GSE1: variants seen among roughly 807,000 people sequenced by gnomAD.
GSE1 encodes the protein genetic suppressor element 1.
A neutral mutation model predicts 112.6 loss-of-function variants in GSE1; 32 were observed. The observed-to-expected ratio is 0.28, with a 90% confidence interval of 0.21 to 0.38. The LOEUF (loss-of-function observed/expected upper bound fraction) is 0.38. Among genes scored for constraint, GSE1 ranks in the 10% least tolerant of loss-of-function variants. The pLI is 1.00. For missense variants in GSE1, 2,348 were observed against 1,699.2 expected (o/e 1.38, Z -6.71); for synonymous variants, 1,115 against 735.6 (o/e 1.52, Z -8.35).
intron 2 of GSE1, among the ~76,000 whole-genome samples, chr16:85,448,054 C>A (rs983631274): frequency 6.6e-6 from 1 of 152,210 alleles, no homozygotes; most frequent in African/African-American, 2.4e-5. Context: ...TGGCAGCCAG[C>A]GAGGGCTCAT....
At position 85,538,894 on chromosome 16, in the gene GSE1, T is replaced by C. The variant is rs2044423604; in HGVS notation, c.2465-95020T>C. Among the ~76,000 whole-genome samples, 3 of 149,684 alleles carry C rather than the reference T, an allele frequency of 2.0e-5. No individual in the cohort carries two copies. In the South Asian group the frequency reaches 6.8e-4, roughly 34 times the overall value. On this transcript the variant is annotated intron_variant, in intron 2 of 2. Transcript: ENST00000637419. The stretch of plus-strand genomic sequence containing the variant: ...CACCAGTCCCTCTCCAGCCCCCAAA[T>C]CTCCCCCACCCACCTCGGTATCCCT...
intron 1 of GSE1, among the ~76,000 whole-genome samples, chr16:85,254,478 C>T (rs1906853109): frequency 6.6e-6 from 1 of 152,202 alleles, no homozygotes; most frequent in East Asian, 1.9e-4. Context: ...TAGCATGACC[C>T]CCCCACTCGG....
intron 1 of GSE1, among the ~76,000 whole-genome samples, chr16:85,575,143 A>C (rs945866131): frequency 9.2e-5 from 14 of 151,860 alleles, no homozygotes; most frequent in African/African-American, 3.4e-4. Flanking sequence ...TTGGCGCTAC[A>C]GAATGTCAGA....
At chr16:85,402,509 C>T (rs952264034) in intron 2 of GSE1, among the ~76,000 whole-genome samples, 3 of 152,170 alleles carry the variant, frequency 2.0e-5, no homozygotes, top group Admixed American at 2.0e-4. Context: ...AGAGTGGACC[C>T]AGAGAGAGTG....
intron 1 of GSE1, among the ~76,000 whole-genome samples, chr16:85,204,453 C>A (rs1410408056): frequency 6.6e-6 from 1 of 152,214 alleles, no homozygotes; most frequent in Admixed American, 6.5e-5. Context: ...GTTTTCAATT[C>A]TCTGAGGAAT....
At chr16:85,420,340 A>G (rs1364540628) in intron 2 of GSE1, among the ~76,000 whole-genome samples, 1 of 152,152 alleles carries the variant, frequency 6.6e-6, no homozygotes, top group Non-Finnish European at 1.5e-5. Context: ...TTGGGTGTCC[A>G]GGATCGTGAG....
At position 85,665,149 on chromosome 16, in the gene GSE1, C is replaced by T. The variant is rs768794920; in HGVS notation, c.2758+21C>T. ...GAGTGGTAAGGGAAGGATAGCCCCA[C>T]CTGCCACCACCCAGGACCATCCCAT... On this transcript the variant is annotated intron_variant, in intron 12 of 15. Transcript: ENST00000253458. 4 of 1,410,228 alleles carry T rather than the reference C, an allele frequency of 2.8e-6. No individual in the cohort carries two copies. The Admixed American group carries it at 6.7e-5, about 24-fold the overall frequency. 87.4% of individuals were successfully genotyped at this position (1,410,228 alleles called of 1,614,324 possible).
At position 85,371,881 on chromosome 16, in the gene GSE1, C is replaced by T. The variant is rs372416613; in HGVS notation, c.2464+14238C>T. Among the ~76,000 whole-genome samples the T allele has an allele frequency of 3.1e-4, 47 of 152,336 alleles. No homozygotes were observed. In the South Asian group the frequency reaches 8.7e-3, roughly 28 times the overall value. On this transcript the variant is annotated intron_variant, in intron 2 of 2. Transcript: ENST00000637419. ...GAATGACCCTCTCCCAAGCTTCCTA[C>T]TGCTTCTGGAAGTGGGAGGAAAAGG...
At chr16:85,529,068 C>T (rs2052462317) in intron 2 of GSE1, among the ~76,000 whole-genome samples, 2 of 152,190 alleles carry the variant, frequency 1.3e-5, no homozygotes, top group African/African-American at 4.8e-5. Flanking sequence ...TGAGAACTGA[C>T]TGTAGGGGTA....
At chr16:85,209,515 C>G (rs376357228) in intron 1 of GSE1, among the ~76,000 whole-genome samples, 2 of 152,176 alleles carry the variant, frequency 1.3e-5, no homozygotes, top group South Asian at 2.1e-4. Context: ...CCCTCCCACC[C>G]TCTCCCCCAT....
At chr16:85,461,172 A>G (rs923627584) in intron 2 of GSE1, among the ~76,000 whole-genome samples, 3 of 152,174 alleles carry the variant, frequency 2.0e-5, no homozygotes, top group African/African-American at 7.2e-5. Flanking sequence ...GGGTTTCTTA[A>G]CCTTGGGACT....
At chr16:85,335,562 A>G (rs534858167) in intron 1 of GSE1, among the ~76,000 whole-genome samples, 2 of 152,220 alleles carry the variant, frequency 1.3e-5, no homozygotes, top group South Asian at 2.1e-4. Context: ...GAGGGAGTAC[A>G]TGGCCCAGAA....
intron 2 of GSE1, among the ~76,000 whole-genome samples, chr16:85,429,663 C>T (rs548116663): frequency 7.0e-4 from 106 of 152,308 alleles, no homozygotes; most frequent in Non-Finnish European, 1.0e-3. Flanking sequence ...TGCTCCAGCC[C>T]CACAGGCCTC....
At chr16:85,505,341 C>T (rs370509630) in intron 2 of GSE1, among the ~76,000 whole-genome samples, 166 of 152,300 alleles carry the variant, frequency 1.1e-3, no homozygotes, top group Non-Finnish European at 1.6e-3. Flanking sequence ...GTGGGAGTCC[C>T]ACCCGGGAGG....
At position 85,657,199 on chromosome 16, in the gene GSE1, G is replaced by T. The variant is rs77761013; in HGVS notation, c.1313-78G>T. The T allele has an allele frequency of 1.3e-3, 1,331 of 1,019,174 alleles. 18 individuals carry two copies. The African/African-American group carries it at 0.019, about 15-fold the overall frequency. 63.1% of individuals were successfully genotyped at this position (1,019,174 alleles called of 1,614,324 possible). A position where few individuals can be genotyped will look rare whatever the true frequency, so the allele number is the denominator to read the frequency against. On this transcript the variant is annotated intron_variant, in intron 7 of 15. Transcript: ENST00000253458. ...GGAAGGGCTCTGGTTTCTCTGGGCA[G>T]TTGGGTGAGAGAGGACGGGGAGGGA...
At position 85,462,937 on chromosome 16, in the gene GSE1, C is replaced by G. The variant is rs1254563172; in HGVS notation, c.2464+105294C>G. On this transcript the variant is annotated intron_variant, in intron 2 of 2. Coordinates refer to the GSE1 transcript ENST00000637419. ...CTGCTCCGTGCCGCCCCGCAGAATC[C>G]CGGGGCTCCATCCCCGTCTCCCCCG... The G allele has an allele frequency of 4.4e-5, 8 of 183,356 alleles. No individual in the cohort carries two copies. In the Admixed American group the frequency reaches 5.2e-4, roughly 12 times the overall value. The allele number at this position is 183,356 out of a possible 1,614,324, so 11.4% of individuals were successfully genotyped here.
chr16:85,204,167 C>T (rs1186845808), intron 1 of GSE1, among the ~76,000 whole-genome samples: 2 of 152,356 alleles, frequency 1.3e-5, no homozygotes, highest in East Asian at 3.9e-4. Context: ...TGTGAATCTC[C>T]TTTCCGTCTA....
chr16:85,546,655 G>A (rs956801087), intron 2 of GSE1, among the ~76,000 whole-genome samples: 5 of 152,204 alleles, frequency 3.3e-5, no homozygotes, highest in South Asian at 2.1e-4. Flanking sequence ...ACAGAGGCTC[G>A]CACAGGCAGC....
At chr16:85,258,837 G>C (rs907988241) in intron 1 of GSE1, among the ~76,000 whole-genome samples, 3 of 152,168 alleles carry the variant, frequency 2.0e-5, no homozygotes, top group African/African-American at 7.2e-5. Context: ...CCGTGCCCCA[G>C]CCTGACCTCG....
Sources: gnomAD v4.1 joint callset for allele counts (sites outside exome capture counted in the v4.1 genomes callset) on GRCh38, gnomAD v4.1.1 for gene constraint, MANE v1.5 for transcripts, NCBI Gene and HGNC (gene_info 2026-07-23, HGNC 2026-07-21) for gene names.